KRT8: variants seen among roughly 807,000 people sequenced by gnomAD.
KRT8 encodes the protein keratin, type II cytoskeletal 8.
Under a neutral mutation model 43.0 loss-of-function variants are expected in KRT8, and 24 were observed. The ratio of observed to expected loss-of-function variants is 0.56; its 90% CI spans 0.40 to 0.78. KRT8 has a LOEUF of 0.78. Among genes scored for constraint, KRT8 ranks in the 30% least tolerant of loss-of-function variants. KRT8 has a pLI of 0.00. For missense variants in KRT8, 492 were observed against 638.4 expected (o/e 0.77, Z 2.47); for synonymous variants, 214 against 261.2 (o/e 0.82, Z 1.74).
chr12:52,926,341 A>AATGGCCC, intron 2 of KRT8: 1 of 322,122 alleles, frequency 3.1e-6, no homozygotes, highest in Admixed American at 4.6e-5. Flanking sequence ...TGCCCTCCCC[A>AATGGCCC]CCCCACCCCC....
chr12:52,938,561 G>A (rs1942215781), intron 2 of KRT8, among the ~76,000 whole-genome samples: 1 of 151,850 alleles, frequency 6.6e-6, no homozygotes, highest in Admixed American at 6.6e-5. Context: ...AGGATCACCT[G>A]AGCCCAATAG....
At chr12:52,931,202 G>C (rs1212198255) in intron 2 of KRT8, among the ~76,000 whole-genome samples, 1 of 151,912 alleles carries the variant, frequency 6.6e-6, no homozygotes, top group African/African-American at 2.4e-5. Context: ...CGAGTAGCTG[G>C]GACTACAGGC....
At chr12:52,939,051 C>G (rs978532011) in intron 2 of KRT8, among the ~76,000 whole-genome samples, 1 of 151,958 alleles carries the variant, frequency 6.6e-6, no homozygotes, top group Non-Finnish European at 1.5e-5. Context: ...AACCACTATA[C>G]TCCAACCTGG....
intron 2 of KRT8, chr12:52,926,341 A>AGGGGCCC: frequency 6.2e-6 from 2 of 322,078 alleles, no homozygotes; most frequent in Non-Finnish European, 5.8e-6. Context: ...TGCCCTCCCC[A>AGGGGCCC]CCCCACCCCC....
At chr12:52,930,770 G>A (rs1480232080) in intron 2 of KRT8, among the ~76,000 whole-genome samples, 1 of 151,388 alleles carries the variant, frequency 6.6e-6, no homozygotes, top group South Asian at 2.1e-4. Context: ...TCTGTTGCCA[G>A]GCTGGTCTTG....
chr12:52,913,422 C>T (rs1941673954), intron 2 of KRT8, among the ~76,000 whole-genome samples: 1 of 152,218 alleles, frequency 6.6e-6, no homozygotes, highest in Non-Finnish European at 1.5e-5. Flanking sequence ...AAGAATCTGG[C>T]TTCAGACTGA....
chr12:52,936,679 A>AT (rs892291125), intron 2 of KRT8, among the ~76,000 whole-genome samples: 2 of 151,944 alleles, frequency 1.3e-5, no homozygotes, highest in African/African-American at 4.8e-5. Context: ...TGCCCGGCTA[A>AT]TTTTTTTGTA....
intron 2 of KRT8, among the ~76,000 whole-genome samples, chr12:52,938,162 A>AT (rs1942205079): frequency 5.7e-5 from 2 of 35,214 alleles, no homozygotes; most frequent in South Asian, 1.5e-3. Context: ...ATATATATAT[A>AT]TATATATATT....
rs747580097 is a variant in KRT8, at chr12:52,901,958, G to C, written c.439C>G (p.Leu147Val). The change falls in exon 2 of 8, where the codon CTT (leucine) becomes GTT (valine). Residue 147 changes from leucine (L) to valine (V), a missense_variant. Around this residue, in one of 3 missense-constraint regions of KRT8, gnomAD observed 389 missense variants for 485.7 expected, o/e 0.80. Coordinates refer to ENST00000692008, the Ensembl canonical transcript of KRT8. ...CCCAGAGTCTCCAGCTGCCGCCTAAGGTTGTTGATGTAGCTCTCGAACATG... is the reference window on the plus strand; with the variant it reads ...CCCAGAGTCTCCAGCTGCCGCCTAACGTTGTTGATGTAGCTCTCGAACATG... 3.7e-5 allele frequency: 60 copies of C among 1,608,802 alleles called. No homozygotes were observed. The highest frequency in any genetic ancestry group is 5.1e-5 in the Non-Finnish European group (60 of 1,179,032).
At chr12:52,906,686 G>A (rs1941527767), upstream of KRT8, 3 of 455,804 alleles carry the variant, frequency 6.6e-6, no homozygotes, top group Non-Finnish European at 1.3e-5. Context: ...GATACTGCAG[G>A]GTGTGATGTG....
At chr12:52,906,626 CAG>C (rs1431187299), upstream of KRT8, 8 of 450,594 alleles carry the variant, frequency 1.8e-5, no homozygotes, top group Admixed American at 4.7e-5. Flanking sequence ...GTCCCCAAGG[CAG>C]AGATTCCACC....
rs77948638 is a variant in KRT8 at position 52,932,666 on chromosome 12, G to A, written c.-47+16790C>T. 5.2e-3 allele frequency among the ~76,000 whole-genome samples: 785 copies of A among 152,080 alleles called. 4 individuals are homozygous for A. The highest frequency in any genetic ancestry group is 0.018 in the African/African-American group (751 of 41,522). ...TCTATTTAGAAAATCCCAGCCATGG[G>A]CAGTATGCACACCTGTACTCCCAGC... On this transcript the variant is annotated intron_variant, in intron 2 of 6. Transcript: ENST00000546826.
intron 1 of KRT8, among the ~76,000 whole-genome samples, chr12:52,902,542 C>G (rs1941398260): frequency 1.3e-5 from 2 of 152,098 alleles, no homozygotes; most frequent in South Asian, 4.1e-4. Flanking sequence ...TGCCTGCCAC[C>G]ACGCCCCACT....
exon 1 of KRT8, chr12:52,949,717 G>A (rs1942442669): frequency 1.1e-6 from 1 of 873,600 alleles, no homozygotes; most frequent in Non-Finnish European, 1.9e-6. Context: ...GGGCATACCT[G>A]GATTTCCATC....
At chr12:52,916,191 G>A (rs953861227) in intron 2 of KRT8, among the ~76,000 whole-genome samples, 5 of 152,122 alleles carry the variant, frequency 3.3e-5, no homozygotes, top group Admixed American at 3.3e-4. Flanking sequence ...TGAGCTTAAA[G>A]CAGTGCTTTA....
intron 2 of KRT8, among the ~76,000 whole-genome samples, chr12:52,926,983 C>A (rs1443823246): frequency 6.6e-6 from 1 of 151,252 alleles, no homozygotes; most frequent in Non-Finnish European, 1.5e-5. Flanking sequence ...TGATTCAATT[C>A]TATCCCATGA....
At chr12:52,912,495 T>C (rs1941655256) in intron 2 of KRT8, among the ~76,000 whole-genome samples, 1 of 152,184 alleles carries the variant, frequency 6.6e-6, no homozygotes, top group Non-Finnish European at 1.5e-5. Context: ...TGACAAAGCA[T>C]CCCAGGTAGA....
chr12:52,915,794 C>T (rs1941726905), intron 2 of KRT8, among the ~76,000 whole-genome samples: 1 of 152,070 alleles, frequency 6.6e-6, no homozygotes, highest in Non-Finnish European at 1.5e-5. Context: ...ATATGCTAAC[C>T]AAAATGTACA....
chr12:52,906,253 G>C (rs926147141), upstream of KRT8, among the ~76,000 whole-genome samples: 1 of 152,110 alleles, frequency 6.6e-6, no homozygotes, highest in African/African-American at 2.4e-5. Flanking sequence ...GGGGTTGGGG[G>C]GGGCAAGAGG....
Sources: allele counts gnomAD v4.1 joint callset (sites outside exome capture counted in the v4.1 genomes callset), GRCh38; gene constraint gnomAD v4.1.1; regional missense constraint gnomAD v4.1.1; transcripts MANE v1.5; gene names NCBI Gene and HGNC (gene_info 2026-07-23, HGNC 2026-07-21).